Variants in NCOA1 observed in about 807,000 individuals in gnomAD.
NCOA1 encodes the protein nuclear receptor coactivator 1.
A neutral mutation model predicts 150.9 loss-of-function variants in NCOA1; 35 were observed. The ratio of observed to expected loss-of-function variants is 0.23; its 90% CI spans 0.18 to 0.31. The LOEUF is 0.31. Among genes scored for constraint, NCOA1 ranks in the 10% least tolerant of loss-of-function variants. The probability of loss-of-function intolerance (pLI) is 1.00; values close to 1 mark genes in which losing one functional copy is unlikely to be tolerated. For synonymous variants in NCOA1, 590 were observed against 630.0 expected (o/e 0.94, Z 0.95); for missense variants, 1,491 against 1,749.3 (o/e 0.85, Z 2.63).
intron 21 of NCOA1, among the ~76,000 whole-genome samples, chr2:24,762,028 C>G (rs1664816399): frequency 6.6e-6 from 1 of 152,196 alleles, no homozygotes; most frequent in Non-Finnish European, 1.5e-5. Flanking sequence ...AGATCTATTC[C>G]AGAGCTCTCT....
In NCOA1 at chr2:24,697,648, C is replaced by T. The variant is rs917087024; in HGVS notation, c.809-10C>T. 2 of 1,601,452 alleles carry T rather than the reference C, an allele frequency of 1.2e-6. No individual in the cohort carries two copies. The highest frequency in any genetic ancestry group is 1.7e-6 in the Non-Finnish European group (2 of 1,171,932). ...GCTGTTATAAATATAAACTTTCATT[C>T]TTTGTACAGGTAAAATCATCTCTAT... On this transcript the variant is annotated splice_polypyrimidine_tract_variant and intron_variant, in intron 10 of 22. Coordinates refer to ENST00000348332, the MANE Select transcript of NCOA1 (RefSeq NM_003743.5).
intron 8 of NCOA1, among the ~76,000 whole-genome samples, chr2:24,688,222 C>T (rs946178567): frequency 2.6e-5 from 4 of 152,136 alleles, no homozygotes; most frequent in African/African-American, 4.8e-5. Flanking sequence ...CATACACTTG[C>T]ATCTGTCTTT....
intron 2 of NCOA1, among the ~76,000 whole-genome samples, chr2:24,576,502 TTTCTC>T (rs1158952519): frequency 6.6e-6 from 1 of 152,188 alleles, no homozygotes; most frequent in Non-Finnish European, 1.5e-5. Flanking sequence ...TTTTTCATCT[TTTCTC>T]AGGAATCCCA....
At chr2:24,719,714 C>T (rs1674261775) in intron 14 of NCOA1, among the ~76,000 whole-genome samples, 1 of 152,108 alleles carries the variant, frequency 6.6e-6, no homozygotes, top group African/African-American at 2.4e-5. Flanking sequence ...GACAGCTGAT[C>T]CACAAGATTA....
chr2:24,698,831 A>C lies in NCOA1; in HGVS notation c.949+1033A>C, dbSNP rs55745555. Among the ~76,000 whole-genome samples the C allele has an allele frequency of 6.8e-3, 1,039 of 152,280 alleles. 13 individuals are homozygous for C. Among genetic ancestry groups the C allele is most frequent in the African/African-American group, 0.024 (992 of 41,564 alleles). ...GATGATTTTCCATTCATTACATTTT[A>C]GGTCAACTGCTTCCTAGTGATACAT... On this transcript the variant is annotated intron_variant, in intron 11 of 22. Transcript: ENST00000348332.
At chr2:24,644,329 C>T (rs899737525) in intron 4 of NCOA1, among the ~76,000 whole-genome samples, 1 of 151,954 alleles carries the variant, frequency 6.6e-6, no homozygotes, top group East Asian at 1.9e-4. Flanking sequence ...TAGTGTATGT[C>T]GAAATCACTT....
At chr2:24,710,195 G>T (rs1428886936) in intron 13 of NCOA1, among the ~76,000 whole-genome samples, 2 of 152,118 alleles carry the variant, frequency 1.3e-5, no homozygotes, top group African/African-American at 4.8e-5. Flanking sequence ...CCAGGTTCAA[G>T]TGATCCTCCT....
intron 7 of NCOA1, among the ~76,000 whole-genome samples, chr2:24,681,773 G>A (rs1241397520): frequency 2.0e-5 from 3 of 150,902 alleles, no homozygotes; most frequent in Non-Finnish European, 4.4e-5. Flanking sequence ...GGAGTGCAGT[G>A]GCGCGATCTC....
Position 24,496,123 on chromosome 2 carries a change from T to C in NCOA1, c.-396+4521T>C, listed in dbSNP as rs559862526. On this transcript the variant is annotated intron_variant, in intron 1 of 22. Transcript: ENST00000348332. ...TGGTCTAATTTCACATTTCTTCTTGTTTTAAAATTCTGTGATTTGTAGGTT... is the reference window on the plus strand; with the variant it reads ...TGGTCTAATTTCACATTTCTTCTTGCTTTAAAATTCTGTGATTTGTAGGTT... 3.9e-5 allele frequency among the ~76,000 whole-genome samples: 6 copies of C among 152,332 alleles called. No individual in the cohort carries two copies. The South Asian group carries it at 1.2e-3, about 32-fold the overall frequency.
At chr2:24,710,811 T>C in intron 13 of NCOA1, 120 bp from the exon 14 acceptor site, 1 of 942,660 alleles carries the variant, frequency 1.1e-6, no homozygotes, top group Non-Finnish European at 1.6e-6. Flanking sequence ...TATTTCTTCT[T>C]TCTTCATTAT....
At chr2:24,494,498 C>T (rs1425456797) in intron 1 of NCOA1, among the ~76,000 whole-genome samples, 1 of 152,136 alleles carries the variant, frequency 6.6e-6, no homozygotes, top group South Asian at 2.1e-4. Context: ...GTCAATACAA[C>T]GCACAACACG....
chr2:24,584,792 T>G (rs1407305328), intron 3 of NCOA1, among the ~76,000 whole-genome samples: 1 of 152,188 alleles, frequency 6.6e-6, no homozygotes, highest in Non-Finnish European at 1.5e-5. Flanking sequence ...AGTTTGAAGA[T>G]CTTCGAAAAC....
Position 24,619,627 on chromosome 2 carries a change from A to C in NCOA1, c.-174-24339A>C, listed in dbSNP as rs55935374. 7.8e-3 allele frequency among the ~76,000 whole-genome samples: 1,190 copies of C among 152,222 alleles called. 11 individuals are homozygous for C. The highest frequency in any genetic ancestry group is 0.025 in the African/African-American group (1,030 of 41,504). Reference sequence around the variant, plus strand: ...ACTGACTGGTTGGTTAACTTGGAGAAATATGTTGTTTTTCAGTAAGAGATA... The same window carrying C: ...ACTGACTGGTTGGTTAACTTGGAGACATATGTTGTTTTTCAGTAAGAGATA... On this transcript the variant is annotated intron_variant, in intron 3 of 22. Transcript: ENST00000348332.
chr2:24,675,189 C>T (rs1293101745), intron 7 of NCOA1, among the ~76,000 whole-genome samples: 1 of 152,164 alleles, frequency 6.6e-6, no homozygotes. Flanking sequence ...AACATATACA[C>T]ATATATGTGA....
Position 24,733,954 on chromosome 2 carries a change from G to A in NCOA1, c.3201+4139G>A, listed in dbSNP as rs569653263. ...AACCCCAGCACTTTGGGAGGCCGAGGTGGGCGGATCACCTGAGGTCAAGAG... is the reference window on the plus strand; with the variant it reads ...AACCCCAGCACTTTGGGAGGCCGAGATGGGCGGATCACCTGAGGTCAAGAG... On this transcript the variant is annotated intron_variant, in intron 17 of 22. Coordinates refer to ENST00000348332, the MANE Select transcript of NCOA1 (RefSeq NM_003743.5). Among the ~76,000 whole-genome samples, 4 of 152,246 alleles carry A rather than the reference G, an allele frequency of 2.6e-5. No homozygotes were observed. In the South Asian group the frequency reaches 8.3e-4, roughly 32 times the overall value.
intron 15 of NCOA1, among the ~76,000 whole-genome samples, chr2:24,728,007 A>G (rs1012649015): frequency 6.6e-6 from 1 of 152,180 alleles, no homozygotes; most frequent in Admixed American, 6.5e-5. Context: ...TTTTACTTTT[A>G]TTAAAAGTTA....
At chr2:24,553,082 A>G (rs1343722681) in intron 1 of NCOA1, among the ~76,000 whole-genome samples, 1 of 152,180 alleles carries the variant, frequency 6.6e-6, no homozygotes, top group Non-Finnish European at 1.5e-5. Context: ...TCATCTTAGG[A>G]GACAACGTTT....
chr2:24,750,844 A>G (rs1664189199), intron 19 of NCOA1, among the ~76,000 whole-genome samples: 2 of 151,980 alleles, frequency 1.3e-5, no homozygotes, highest in Non-Finnish European at 2.9e-5. Flanking sequence ...TAAATTTACT[A>G]AAAATCATTG....
rs931341614 is a variant in NCOA1 at position 24,707,133 on chromosome 2, T to C, written c.1663T>C (p.Ser555Pro). 9.9e-6 allele frequency: 16 copies of C among 1,614,250 alleles called. No homozygotes were observed. Among genetic ancestry groups the C allele is most frequent in the Non-Finnish European group, 1.4e-5 (16 of 1,180,050 alleles). ...NEGPNNSVGF[S>P]ASSPVLRQMS... ...AGGACCCAATAACTCCGTTGGCTTC[T>C]CTGCCAGTTCTCCAGTCCTCAGGCA... is the stretch of plus-strand genomic sequence containing the variant. The change falls in exon 13 of 23, where the codon TCT becomes CCT. Residue 555 changes from serine to proline, a missense_variant. Coordinates refer to ENST00000348332, the MANE Select transcript of NCOA1 (RefSeq NM_003743.5).
Sources: allele counts gnomAD v4.1 joint callset (sites outside exome capture counted in the v4.1 genomes callset), GRCh38; gene constraint gnomAD v4.1.1; transcripts MANE v1.5; gene names NCBI Gene and HGNC (gene_info 2026-07-23, HGNC 2026-07-21).